The following STPG2 variants were observed in gnomAD, a reference collection of about 807,000 sequenced individuals.
The protein encoded by STPG2 is sperm-tail PG-rich repeat-containing protein 2.
Under a neutral mutation model 54.2 loss-of-function variants are expected in STPG2, and 56 were observed. The observed-to-expected ratio is 1.03, with a 90% CI of 0.83 to 1.29. STPG2 has a LOEUF of 1.29. Ranked by LOEUF, STPG2 falls within the 50% of genes most tolerant of loss-of-function variation. STPG2 has a pLI of 0.00. For synonymous variants in STPG2, 200 were observed against 181.8 expected, an observed-to-expected ratio of 1.10 and a Z score of -0.81; for missense variants, 596 against 544.9, an observed-to-expected ratio of 1.09 and a Z score of -0.93.
At chr4:97,733,287 A>T (rs1252759475) in intron 9 of STPG2, among the ~76,000 whole-genome samples, 1 of 152,174 alleles carries the variant, frequency 6.6e-6, no homozygotes, top group African/African-American at 2.4e-5. Flanking sequence ...TGTCTTTTGC[A>T]GAAACTTGGA....
intron 9 of STPG2, among the ~76,000 whole-genome samples, chr4:97,788,553 T>C (rs2149078347): frequency 6.6e-6 from 1 of 152,258 alleles, no homozygotes; most frequent in East Asian, 1.9e-4. Flanking sequence ...CAGATATCTC[T>C]TTGATATAAT....
Position 97,639,622 on chromosome 4 carries a change from C to T in STPG2, c.1320+73077G>A, listed in dbSNP as rs554442534. 7.9e-5 allele frequency among the ~76,000 whole-genome samples: 12 copies of T among 151,688 alleles called. No individual in the cohort carries two copies. The Middle Eastern group carries it at 0.014, about 173-fold the overall frequency. Reference sequence around the variant, plus strand: ...TTAAACAAAGCATAGCTACATATTACGGTTGAAAGGAATACAAACATTTAT... The same window carrying T: ...TTAAACAAAGCATAGCTACATATTATGGTTGAAAGGAATACAAACATTTAT... On this transcript the variant is annotated intron_variant, in intron 10 of 10. Transcript: ENST00000295268.
chr4:97,880,472 T>C (rs1482783494), intron 8 of STPG2, among the ~76,000 whole-genome samples: 1 of 152,142 alleles, frequency 6.6e-6, no homozygotes, highest in Non-Finnish European at 1.5e-5. Context: ...CAGCAGAGTA[T>C]AGAAAATAAA....
At chr4:97,683,679 C>T (rs888649162) in intron 10 of STPG2, among the ~76,000 whole-genome samples, 8 of 151,708 alleles carry the variant, frequency 5.3e-5, no homozygotes, top group African/African-American at 1.2e-4. Flanking sequence ...TGTTGAGACA[C>T]GAGATGCTTT....
chr4:97,967,370 C>T (rs537566027), intron 7 of STPG2, among the ~76,000 whole-genome samples: 3 of 151,974 alleles, frequency 2.0e-5, no homozygotes, highest in African/African-American at 4.8e-5. Context: ...TAAAGCAAGT[C>T]CTTAGAGACC....
intron 7 of STPG2, among the ~76,000 whole-genome samples, chr4:97,966,915 G>A (rs958169091): frequency 6.6e-6 from 1 of 152,168 alleles, no homozygotes; most frequent in Non-Finnish European, 1.5e-5. Flanking sequence ...ATGCCAAATT[G>A]TAAAGACCAT....
intron 10 of STPG2, among the ~76,000 whole-genome samples, chr4:97,676,542 A>AAAGGAAGGAAGGAAGG (rs70953080): frequency 3.6e-4 from 47 of 131,298 alleles, no homozygotes; most frequent in African/African-American, 1.1e-3. Context: ...GAGTTGGAAG[A>AAAGGAAGGAAGGAAGG]AAGGAAGGAA....
At chr4:98,081,896 A>T (rs1738353758) in intron 5 of STPG2, among the ~76,000 whole-genome samples, 1 of 152,236 alleles carries the variant, frequency 6.6e-6, no homozygotes, top group Non-Finnish European at 1.5e-5. Flanking sequence ...CAAGACTGAT[A>T]AACAGGGCCA....
intron 10 of STPG2, among the ~76,000 whole-genome samples, chr4:97,640,443 A>C (rs1471935294): frequency 1.3e-5 from 2 of 151,976 alleles, no homozygotes; most frequent in Non-Finnish European, 2.9e-5. Context: ...ATTCTCTACA[A>C]TAAGGAATTA....
At chr4:97,826,307 T>C (rs1256546228) in intron 9 of STPG2, among the ~76,000 whole-genome samples, 1 of 152,208 alleles carries the variant, frequency 6.6e-6, no homozygotes, top group African/African-American at 2.4e-5. Context: ...GAATTTCTTG[T>C]CTACATTTAG....
At chr4:97,860,512 ATTT>A (rs1729488995) in intron 8 of STPG2, among the ~76,000 whole-genome samples, 1 of 145,720 alleles carries the variant, frequency 6.9e-6, no homozygotes, top group Admixed American at 6.8e-5. Flanking sequence ...ATTTTATTTT[ATTT>A]TATTATTTTA....
chr4:97,924,963 T>C (rs919699735), intron 8 of STPG2, among the ~76,000 whole-genome samples: 1 of 152,212 alleles, frequency 6.6e-6, no homozygotes, highest in Non-Finnish European at 1.5e-5. Context: ...TCAGAGATTA[T>C]GTAGAATATG....
intron 8 of STPG2, among the ~76,000 whole-genome samples, chr4:97,869,789 T>C (rs953150469): frequency 6.6e-6 from 1 of 151,536 alleles, no homozygotes; most frequent in African/African-American, 2.4e-5. Context: ...TTCCTGAGAG[T>C]ATTTCAGATA....
At chr4:97,850,404 A>AT (rs1729118741) in intron 8 of STPG2, among the ~76,000 whole-genome samples, 1 of 151,666 alleles carries the variant, frequency 6.6e-6, no homozygotes, top group African/African-American at 2.4e-5. Flanking sequence ...TATACTTCTT[A>AT]TGATGTTGTA....
chr4:97,449,515 A>T (rs1157059418), intron 4 of STPG2, among the ~76,000 whole-genome samples: 2 of 152,234 alleles, frequency 1.3e-5, no homozygotes, highest in Non-Finnish European at 2.9e-5. Context: ...TGTCCAACAA[A>T]TTTTTTGCAA....
intron 10 of STPG2, among the ~76,000 whole-genome samples, chr4:97,664,507 A>G (rs1009703224): frequency 1.3e-5 from 2 of 152,170 alleles, no homozygotes; most frequent in Non-Finnish European, 2.9e-5. Flanking sequence ...AGTGTTTATT[A>G]CAGTATATCC....
chr4:97,996,257 G>C (rs1382887586), intron 5 of STPG2, among the ~76,000 whole-genome samples: 3 of 152,142 alleles, frequency 2.0e-5, no homozygotes, highest in Non-Finnish European at 2.9e-5. Context: ...TAGACCAATA[G>C]AGCAGAATAG....
intron 10 of STPG2, among the ~76,000 whole-genome samples, chr4:97,652,997 T>G (rs534553693): frequency 6.6e-6 from 1 of 151,866 alleles, no homozygotes; most frequent in Non-Finnish European, 1.5e-5. Flanking sequence ...TTTTCAACAG[T>G]AGGAGTTAAA....
chr4:97,480,001 TA>T (rs1384170438), intron 4 of STPG2, among the ~76,000 whole-genome samples: 1 of 151,778 alleles, frequency 6.6e-6, no homozygotes, highest in African/African-American at 2.4e-5. Context: ...TGCACACTTG[TA>T]ATAAAATATA....
Sources: gnomAD v4.1 joint callset for allele counts (sites outside exome capture counted in the v4.1 genomes callset) on GRCh38, gnomAD v4.1.1 for gene constraint, MANE v1.5 for transcripts, NCBI Gene and HGNC (gene_info 2026-07-23, HGNC 2026-07-21) for gene names.